PRR36: variants seen among roughly 807,000 people sequenced by gnomAD.
PRR36 encodes the protein proline rich 36, also known as proline-rich protein 36.
PRR36 carries 30 observed loss-of-function variants against 58.6 expected under a neutral mutation model. The observed-to-expected ratio is 0.51, with a 90% CI of 0.38 to 0.69. The LOEUF is 0.69. Ranked by LOEUF, PRR36 falls within the 30% of genes least tolerant of loss-of-function variation. The pLI is 0.00. For missense variants in PRR36, 1,692 were observed against 1,805.6 expected (o/e 0.94, Z 1.14); for synonymous variants, 771 against 829.3 (o/e 0.93, Z 1.21).
At position 7,873,995 on chromosome 19, in the gene PRR36, T is replaced by C. The variant is rs1218436616; in HGVS notation, c.-8+291A>G. 9.2e-6 allele frequency among the ~76,000 whole-genome samples: 1 copy of C among 109,014 alleles called. No individual in the cohort carries two copies. Among genetic ancestry groups the C allele is most frequent in the East Asian group, 2.8e-4 (1 of 3,552 alleles). The allele number at this position is 109,014 out of a possible 152,430, so 71.5% of individuals were successfully genotyped here. Reference sequence around the variant, plus strand: ...AATTCAGGACCGATCTCCACGCCCCTGCCCCTTGCCCCTTCAGGGACTCAG... The same window carrying C: ...AATTCAGGACCGATCTCCACGCCCCCGCCCCTTGCCCCTTCAGGGACTCAG... On this transcript the variant is annotated intron_variant, in intron 1 of 5. Transcript: ENST00000618550. This position sits in a 1 kb window ranked among gnomAD's most constrained non-coding sequence, Gnocchi z 5.0.
chr19:7,869,468 C>T lies in PRR36; in HGVS notation c.3606G>A (p.Gly1202=). The change falls in exon 6 of 6, where the codon GGG becomes GGA. Residue 1202 remains glycine, a synonymous_variant. Transcript: ENST00000618550. ...CAGGGGCGGGGGTCGCCGACTCGGG[C>T]CCTTCAGTCTCGTAGATGGTGCACA... ...DGLCTIYETE[G]PESATPAPGA... is the part of the protein sequence containing the mutation. 1.3e-6 allele frequency: 2 copies of T among 1,505,702 alleles called. No homozygotes were observed. The highest frequency in any genetic ancestry group is 2.1e-5 in the Admixed American group (1 of 48,698). The allele number at this position is 1,505,702 out of a possible 1,614,324, so 93.3% of individuals were successfully genotyped here.
chr19:7,871,748 G>C lies in PRR36; in HGVS notation c.1496C>G (p.Ala499Gly). Residue 499 changes from alanine (A) to glycine (G), a missense_variant, in exon 5 of 6, where the codon GCC becomes GGC. Ala to Gly is a moderately conservative substitution (Grantham distance 60). Around this residue, in one of 5 missense-constraint regions of PRR36, gnomAD observed 975 missense variants for 955.2 expected, o/e 1.02. Coordinates refer to ENST00000618550, the MANE Select transcript of PRR36 (RefSeq NM_001190467.2). The part of the protein sequence containing the change: ...LSALTTPPPQ[A>G]SPSPSPPSLQ... Reference sequence around the variant, plus strand: ...AGAGGGCGGAGACGGGGAAGGACTGGCCTGCGGAGGGGGCGTGGTCAGAGC... The same window carrying C: ...AGAGGGCGGAGACGGGGAAGGACTGCCCTGCGGAGGGGGCGTGGTCAGAGC... The C allele has an allele frequency of 6.5e-7, 1 of 1,536,000 alleles. No homozygotes were observed. Among genetic ancestry groups the C allele is most frequent in the Non-Finnish European group, 8.7e-7 (1 of 1,146,868 alleles).
In PRR36 at chr19:7,873,575, C is replaced by T. The variant is rs968070092; in HGVS notation, c.115G>A (p.Val39Ile). 1 of 1,534,704 alleles carries T rather than the reference C, an allele frequency of 6.5e-7. No homozygotes were observed. Among genetic ancestry groups the T allele is most frequent in the East Asian group, 2.4e-5 (1 of 40,862 alleles). Reference protein sequence around the residue: ...PPGSPRPPPPVTPAALRVLGA... With the variant: ...PPGSPRPPPPITPAALRVLGA... ...AGAACTCGGAGGGCTGCGGGAGTTA[C>T]TGGGGGAGGGGGTCGAGGAGAGCCT... The change falls in exon 2 of 6, where the codon GTA becomes ATA. Residue 39 changes from valine to isoleucine, a missense_variant. This residue lies in a region of PRR36 where 975 missense variants were observed against 955.2 expected (regional missense o/e 1.02). Coordinates refer to ENST00000618550, the MANE Select transcript of PRR36 (RefSeq NM_001190467.2). The surrounding 1 kb of genome is among the most constrained non-coding windows in gnomAD (Gnocchi z 5.0).
rs1269922517 is a variant in PRR36 at position 7,869,802 on chromosome 19, G to A, written c.3442C>T (p.Pro1148Ser). 6 of 1,355,926 alleles carry A rather than the reference G, an allele frequency of 4.4e-6. No individual in the cohort carries two copies. Among genetic ancestry groups the A allele is most frequent in the Non-Finnish European group, 4.7e-6 (5 of 1,061,202 alleles). 84.0% of individuals were successfully genotyped at this position (1,355,926 alleles called of 1,614,324 possible). A position where few individuals can be genotyped will look rare whatever the true frequency, so the allele number is the denominator to read the frequency against. Residue 1148 changes from proline to serine, a missense_variant, in exon 5 of 6, where the codon CCG becomes TCG. Transcript: ENST00000618550. ...GCGGCGAGCTCTGCGTCGGGGGGCG[G>A]GGAGGCTGCGGCACCGCCCTCGGGC... The part of the protein sequence containing the change: ...SGPEGGAAAS[P>S]PPDAELAACH...
In PRR36 at chr19:7,872,284, G is replaced by T. The variant is rs1159513007; in HGVS notation, c.960C>A (p.Pro320=). 4 of 1,456,378 alleles carry T rather than the reference G, an allele frequency of 2.7e-6. No homozygotes were observed. Among genetic ancestry groups the T allele is most frequent in the Admixed American group, 2.7e-5 (1 of 37,628 alleles). 90.2% of individuals were successfully genotyped at this position (1,456,378 alleles called of 1,614,324 possible). A position where few individuals can be genotyped will look rare whatever the true frequency, so the allele number is the denominator to read the frequency against. ...CTGGCAGGGGAGTGGCTGCATTGTC[G>T]GGAGGCGGTACGGGTCTTGCCTTGG... The part of the protein sequence containing the change: ...SGTKARPVPP[P]DNAATPLPAT... The change falls in exon 5 of 6, where the codon CCC becomes CCA. Residue 320 remains proline, a synonymous_variant. Transcript: ENST00000618550. The surrounding 1 kb of genome is among the most constrained non-coding windows in gnomAD (Gnocchi z 6.1).
In PRR36 at chr19:7,870,589, G is replaced by A. The variant is rs1055479537; in HGVS notation, c.2655C>T (p.Ala885=). The change falls in exon 5 of 6, where the codon GCC becomes GCT. Residue 885 remains alanine (A), a synonymous_variant. Transcript: ENST00000618550. Reference sequence around the variant, plus strand: ...GGGGTGAGGGAGGGGGAGAGAAAGGGGCCTGCAGAAGGTGCACTGCCAGAG... The same window carrying A: ...GGGGTGAGGGAGGGGGAGAGAAAGGAGCCTGCAGAAGGTGCACTGCCAGAG... The part of the protein sequence containing the change: ...PNALAVHLLQ[A]PFSPPPSPPV... 6 of 1,261,232 alleles carry A rather than the reference G, an allele frequency of 4.8e-6. No individual in the cohort carries two copies. Among genetic ancestry groups the A allele is most frequent in the African/African-American group, 1.8e-5 (1 of 56,378 alleles). 78.1% of individuals were successfully genotyped at this position (1,261,232 alleles called of 1,614,324 possible). A position where few individuals can be genotyped will look rare whatever the true frequency, so the allele number is the denominator to read the frequency against.
In PRR36 at chr19:7,869,937, G is replaced by T. The variant is rs1980299621; in HGVS notation, c.3307C>A (p.Pro1103Thr). 2 of 1,368,006 alleles carry T rather than the reference G, an allele frequency of 1.5e-6. No individual in the cohort carries two copies. Among genetic ancestry groups the T allele is most frequent in the South Asian group, 1.7e-5 (1 of 58,510 alleles). The allele number at this position is 1,368,006 out of a possible 1,614,324, so 84.7% of individuals were successfully genotyped here. A position where few individuals can be genotyped will look rare whatever the true frequency, so the allele number is the denominator to read the frequency against. ...GACGGGCTGCGCGAGGGCGGCGGCG[G>T]CGGGCCGGGGGCCAACGCCAGGGTC... Reference protein sequence around the residue: ...RLTLALAPGPPPPPSRSPSST... With the variant: ...RLTLALAPGPTPPPSRSPSST... The change falls in exon 5 of 6, where the codon CCG becomes ACG. Residue 1103 changes from proline to threonine, a missense_variant. By Grantham distance (38) the Pro-to-Thr change is conservative. Around this residue, in one of 5 missense-constraint regions of PRR36, gnomAD observed 485 missense variants for 549.2 expected, o/e 0.88. Transcript: ENST00000618550.
In PRR36 at chr19:7,869,800, C is replaced by T. The variant is rs2145065058; in HGVS notation, c.3444G>A (p.Pro1148=). ...AAGCGGCGAGCTCTGCGTCGGGGGG[C>T]GGGGAGGCTGCGGCACCGCCCTCGG... is the stretch of plus-strand genomic sequence containing the variant. ...SGPEGGAAAS[P]PPDAELAACH... Residue 1148 remains proline, a synonymous_variant, in exon 5 of 6, where the codon CCG becomes CCA. Coordinates refer to ENST00000618550, the MANE Select transcript of PRR36 (RefSeq NM_001190467.2). 1 of 1,354,618 alleles carries T rather than the reference C, an allele frequency of 7.4e-7. No homozygotes were observed. The highest frequency in any genetic ancestry group is 1.8e-5 in the South Asian group (1 of 55,734). 83.9% of individuals were successfully genotyped at this position (1,354,618 alleles called of 1,614,324 possible).
Position 7,868,765 on chromosome 19 carries a change from G to C in PRR36, c.*268C>G. 2.5e-6 allele frequency: 1 copy of C among 394,162 alleles called. No homozygotes were observed. Among genetic ancestry groups the C allele is most frequent in the Non-Finnish European group, 4.5e-6 (1 of 220,844 alleles). 24.4% of individuals were successfully genotyped at this position (394,162 alleles called of 1,614,324 possible). A position where few individuals can be genotyped will look rare whatever the true frequency, so the allele number is the denominator to read the frequency against. On this transcript the variant is annotated 3_prime_UTR_variant, in exon 6 of 6. Coordinates refer to ENST00000618550, the MANE Select transcript of PRR36 (RefSeq NM_001190467.2). ...TTTATTGCAAACTCAGGCTGTGCGG[G>C]GTGGGCAATACACTGCACACGGGGC...
Position 7,870,082 on chromosome 19 carries a change from T to C in PRR36, c.3162A>G (p.Pro1054=), listed in dbSNP as rs1017630278. The part of the protein sequence containing the change: ...SPLATPPPQA[P]PVLAAPLLQV... ...GCAGAAGGGGCGCTGCCAGAACAGG[T>C]GGGGCCTGTGGAGGAGGCGTGGCCA... Residue 1054 remains proline (P), a synonymous_variant, in exon 5 of 6, where the codon CCA becomes CCG. Coordinates refer to ENST00000618550, the MANE Select transcript of PRR36 (RefSeq NM_001190467.2). 2 of 1,485,524 alleles carry C rather than the reference T, an allele frequency of 1.3e-6. No homozygotes were observed. The highest frequency in any genetic ancestry group is 2.7e-5 in the East Asian group (1 of 36,868). The allele number at this position is 1,485,524 out of a possible 1,614,324, so 92.0% of individuals were successfully genotyped here. A position where few individuals can be genotyped will look rare whatever the true frequency, so the allele number is the denominator to read the frequency against.
Position 7,870,201 on chromosome 19 carries a change from C to A in PRR36, c.3043G>T (p.Ala1015Ser). 2 of 1,419,688 alleles carry A rather than the reference C, an allele frequency of 1.4e-6. No individual in the cohort carries two copies. Among genetic ancestry groups the A allele is most frequent in the South Asian group, 2.9e-5 (2 of 69,200 alleles). 87.9% of individuals were successfully genotyped at this position (1,419,688 alleles called of 1,614,324 possible). ...GGAAGGGCCTGCAGAGGAGGTGTGG[C>A]CAGAGCAGGTGGGGCCTGTGGAGGG... ...KPPPQAPPAL[A>S]TPPLQALPSP... Residue 1015 changes from alanine to serine, a missense_variant, in exon 5 of 6, where the codon GCC (alanine) becomes TCC (serine). Coordinates refer to ENST00000618550, the MANE Select transcript of PRR36 (RefSeq NM_001190467.2).
chr19:7,872,641 CG>C lies in PRR36; in HGVS notation c.602del (p.Pro201ArgfsTer9). 2 of 1,480,142 alleles carry C rather than the reference CG, an allele frequency of 1.4e-6. No homozygotes were observed. Among genetic ancestry groups the C allele is most frequent in the South Asian group, 1.3e-5 (1 of 75,966 alleles). 91.7% of individuals were successfully genotyped at this position (1,480,142 alleles called of 1,614,324 possible). On this transcript the variant is annotated frameshift_variant, in exon 5 of 6. Coordinates refer to ENST00000618550, the MANE Select transcript of PRR36 (RefSeq NM_001190467.2). LOFTEE classifies it high-confidence loss of function. The surrounding 1 kb of genome is among the most constrained non-coding windows in gnomAD (Gnocchi z 6.1). Reference protein sequence around the residue: ...RPAPSARPRPPTEGPRKSVSS... With the variant: ...RPAPSARPRPXTEGPRKSVSS... ...TCACTGATTTCCGGGGGCCCTCTGT[CG>C]GGGGCCGTGGCCGGGCACTCGGAGC... is the stretch of plus-strand genomic sequence containing the variant.
Position 7,870,071 on chromosome 19 carries a change from G to A in PRR36, c.3173C>T (p.Ala1058Val). Reference protein sequence around the residue: ...TPPPQAPPVLAAPLLQVPPSP... With the variant: ...TPPPQAPPVLVAPLLQVPPSP... The stretch of plus-strand genomic sequence containing the variant: ...GGGAGGGACCTGCAGAAGGGGCGCT[G>A]CCAGAACAGGTGGGGCCTGTGGAGG... The change falls in exon 5 of 6, where the codon GCA becomes GTA. Residue 1058 changes from alanine (A) to valine (V), a missense_variant. Physicochemically the swap from Ala to Val is moderately conservative, Grantham distance 64. Around this residue, in one of 5 missense-constraint regions of PRR36, gnomAD observed 485 missense variants for 549.2 expected, o/e 0.88. Transcript: ENST00000618550. The A allele has an allele frequency of 6.7e-7, 1 of 1,482,054 alleles. No homozygotes were observed. The highest frequency in any genetic ancestry group is 8.9e-7 in the Non-Finnish European group (1 of 1,122,386). The allele number at this position is 1,482,054 out of a possible 1,614,324, so 91.8% of individuals were successfully genotyped here. A position where few individuals can be genotyped will look rare whatever the true frequency, so the allele number is the denominator to read the frequency against.
chr19:7,873,318 G>A lies in PRR36; in HGVS notation c.272-19C>T. The A allele has an allele frequency of 1.3e-6, 2 of 1,529,158 alleles. No homozygotes were observed. The highest frequency in any genetic ancestry group is 8.7e-7 in the Non-Finnish European group (1 of 1,143,262). 94.7% of individuals were successfully genotyped at this position (1,529,158 alleles called of 1,614,324 possible). A position where few individuals can be genotyped will look rare whatever the true frequency, so the allele number is the denominator to read the frequency against. On this transcript the variant is annotated intron_variant, in intron 2 of 5. Coordinates refer to ENST00000618550, the MANE Select transcript of PRR36 (RefSeq NM_001190467.2). The surrounding 1 kb of genome is among the most constrained non-coding windows in gnomAD (Gnocchi z 5.0). ...CTGGAGGCTGCGGGGAGAAGGCCGA[G>A]TCACAGGTGCCCCGGAGAGGTGGCA...
rs1980539939 is a variant in PRR36 at position 7,873,061 on chromosome 19, C to T, written c.375-100G>A. ...AATGGGCATGTGCCCTCTCTGAGGA[C>T]CAATAATGGCTTTCACCCAATTTGT... On this transcript the variant is annotated intron_variant, in intron 3 of 5. Transcript: ENST00000618550. This position sits in a 1 kb window ranked among gnomAD's most constrained non-coding sequence, Gnocchi z 5.0. 1.4e-5 allele frequency: 19 copies of T among 1,320,570 alleles called. No individual in the cohort carries two copies. In the South Asian group the frequency reaches 2.2e-4, roughly 15 times the overall value. 81.8% of individuals were successfully genotyped at this position (1,320,570 alleles called of 1,614,324 possible).
chr19:7,871,190 A>G lies in PRR36; in HGVS notation c.2054T>C (p.Ile685Thr). The change falls in exon 5 of 6, where the codon ATA becomes ACA. Residue 685 changes from isoleucine (I) to threonine (T), a missense_variant. By Grantham distance (89) the Ile-to-Thr change is moderately conservative. Coordinates refer to ENST00000618550, the MANE Select transcript of PRR36 (RefSeq NM_001190467.2). ...AVSPLSSPLT[I>T]HPLQALSSLA... ...AGAAGATAGCGCCTGCAGAGGGTGT[A>G]TGGTCAGGGGTGAGCTTAGGGGTGA... 6.8e-7 allele frequency: 1 copy of G among 1,464,862 alleles called. No homozygotes were observed. Among genetic ancestry groups the G allele is most frequent in the Admixed American group, 2.1e-5 (1 of 47,532 alleles). The allele number at this position is 1,464,862 out of a possible 1,614,324, so 90.7% of individuals were successfully genotyped here. A position where few individuals can be genotyped will look rare whatever the true frequency, so the allele number is the denominator to read the frequency against.
rs1980462498 is a variant in PRR36, at chr19:7,871,816, A to G, written c.1428T>C (p.Asn476=). Residue 476 remains asparagine, a synonymous_variant, in exon 5 of 6, where the codon AAT becomes AAC. Transcript: ENST00000618550. ...GGAGTGCGGCCAGGGGAAAAGCCGAATTCCCCAGAGATGTTGCCGGAGAAA... is the reference window on the plus strand; with the variant it reads ...GGAGTGCGGCCAGGGGAAAAGCCGAGTTCCCCAGAGATGTTGCCGGAGAAA... The part of the protein sequence containing the change: ...GPVSPATSLG[N]SAFPLAALPQ... 1 of 1,535,614 alleles carries G rather than the reference A, an allele frequency of 6.5e-7. No homozygotes were observed. The highest frequency in any genetic ancestry group is 1.4e-5 in the African/African-American group (1 of 72,882).
In PRR36 at chr19:7,873,294, T is replaced by A. The variant is rs1261808200; in HGVS notation, c.277A>T (p.Arg93Trp). The A allele has an allele frequency of 1.3e-6, 2 of 1,533,474 alleles. No homozygotes were observed. The highest frequency in any genetic ancestry group is 2.7e-5 in the African/African-American group (2 of 72,732). The allele number at this position is 1,533,474 out of a possible 1,614,324, so 95.0% of individuals were successfully genotyped here. A position where few individuals can be genotyped will look rare whatever the true frequency, so the allele number is the denominator to read the frequency against. Residue 93 changes from arginine to tryptophan, a missense_variant, in exon 3 of 6, where the codon AGG (arginine) becomes TGG (tryptophan). By Grantham distance (101) the Arg-to-Trp change is moderately radical. Coordinates refer to ENST00000618550, the MANE Select transcript of PRR36 (RefSeq NM_001190467.2). This position sits in a 1 kb window ranked among gnomAD's most constrained non-coding sequence, Gnocchi z 5.0. ...AGTSSRNPASRPPASGRGERA... is the reference protein window; with the variant it reads ...AGTSSRNPASWPPASGRGERA... ...TCCCCTCTCCCAGAGGCTGGGGGCCTGGAGGCTGCGGGGAGAAGGCCGAGT... is the reference window on the plus strand; with the variant it reads ...TCCCCTCTCCCAGAGGCTGGGGGCCAGGAGGCTGCGGGGAGAAGGCCGAGT...
chr19:7,869,341 C>T lies in PRR36; in HGVS notation c.3733G>A (p.Gly1245Ser). 7.0e-7 allele frequency: 1 copy of T among 1,426,868 alleles called. No homozygotes were observed. The highest frequency in any genetic ancestry group is 3.0e-5 in the East Asian group (1 of 33,384). The allele number at this position is 1,426,868 out of a possible 1,614,324, so 88.4% of individuals were successfully genotyped here. A position where few individuals can be genotyped will look rare whatever the true frequency, so the allele number is the denominator to read the frequency against. The change falls in exon 6 of 6, where the codon GGC becomes AGC. Residue 1245 changes from glycine to serine, a missense_variant. Around this residue, in one of 5 missense-constraint regions of PRR36, gnomAD observed 485 missense variants for 549.2 expected, o/e 0.88. Coordinates refer to ENST00000618550, the MANE Select transcript of PRR36 (RefSeq NM_001190467.2). ...TGCAGCGCCCCCAGTGGCAGCTCGC[C>T]CAGGCGCGCCTGCTTCGGGCTCCGC... Reference protein sequence around the residue: ...SSRSPKQARLGELPLGALQAS... With the variant: ...SSRSPKQARLSELPLGALQAS...
Sources: allele counts gnomAD v4.1 joint callset (sites outside exome capture counted in the v4.1 genomes callset), GRCh38; gene constraint gnomAD v4.1.1; regional missense constraint gnomAD v4.1.1; non-coding constraint Gnocchi (gnomAD v3.1); transcripts MANE v1.5; gene names NCBI Gene and HGNC (gene_info 2026-07-23, HGNC 2026-07-21).